Variants in IL1R1 observed in about 807,000 individuals in gnomAD.
IL1R1 encodes interleukin 1 receptor type 1.
Under a neutral mutation model 50.2 loss-of-function variants are expected in IL1R1, and 22 were observed. The ratio of observed to expected loss-of-function variants is 0.44; its 90% CI spans 0.31 to 0.63. The LOEUF (loss-of-function observed/expected upper bound fraction) is 0.63. Among genes scored for constraint, IL1R1 ranks in the 20% least tolerant of loss-of-function variants. The probability of loss-of-function intolerance (pLI) is 0.07; values close to 1 mark genes in which losing one functional copy is unlikely to be tolerated. For synonymous variants in IL1R1, 251 were observed against 236.7 expected, an observed-to-expected ratio of 1.06 and a Z score of -0.55; for missense variants, 509 against 676.2, an observed-to-expected ratio of 0.75 and a Z score of 2.74.
At chr2:102,075,810 G>A (rs570375685) in intron 1 of IL1R1, among the ~76,000 whole-genome samples, 1 of 152,192 alleles carries the variant, frequency 6.6e-6, no homozygotes, top group Non-Finnish European at 1.5e-5. Context: ...GCTATGAGGA[G>A]CCATTTAAAT....
intron 10 of IL1R1, among the ~76,000 whole-genome samples, chr2:102,175,093 T>TC (rs1686005283): frequency 6.7e-6 from 1 of 149,086 alleles, no homozygotes; most frequent in African/African-American, 2.5e-5. Flanking sequence ...ATCAGGGAGG[T>TC]TCTCTCTCTC....
intron 1 of IL1R1, among the ~76,000 whole-genome samples, chr2:102,131,958 G>A (rs976246988): frequency 5.3e-5 from 8 of 151,872 alleles, no homozygotes; most frequent in African/African-American, 1.2e-4. Context: ...GAAAAAATAC[G>A]CCTACCAAGA....
intron 1 of IL1R1, among the ~76,000 whole-genome samples, chr2:102,106,702 A>G (rs1438485918): frequency 6.6e-6 from 1 of 152,242 alleles, no homozygotes; most frequent in East Asian, 1.9e-4. Context: ...GTCTCTGAGT[A>G]CATTTACATT....
chr2:102,139,369 C>T (rs531249708), upstream of IL1R1, among the ~76,000 whole-genome samples: 5 of 152,344 alleles, frequency 3.3e-5, no homozygotes, highest in Non-Finnish European at 5.9e-5. Flanking sequence ...TGCTGTTTGG[C>T]TCAGGCCATG....
rs1481289900 is a variant in IL1R1 at position 102,176,744 on chromosome 2, C to T, written c.1695C>T (p.His565=). 1.3e-5 allele frequency: 21 copies of T among 1,613,654 alleles called. No individual in the cohort carries two copies. The highest frequency in any genetic ancestry group is 1.6e-4 in the Middle Eastern group (1 of 6,078). Residue 565 remains histidine (H), a synonymous_variant, in exon 12 of 12, where the codon CAC becomes CAT. Coordinates refer to ENST00000410023, the MANE Select transcript of IL1R1 (RefSeq NM_000877.4). ...AGGAGAAACTGCAAAGAGAGGCTCA[C>T]GTGCCTCTCGGGTAGCATGGAGAAG... ...ATKEKLQREA[H]VPLG is the part of the protein sequence containing the mutation.
upstream of IL1R1, among the ~76,000 whole-genome samples, chr2:102,103,232 A>C (rs1306723822): frequency 6.6e-6 from 1 of 152,178 alleles, no homozygotes; most frequent in Non-Finnish European, 1.5e-5. Context: ...CACTTCTGCT[A>C]TCTCCGTTAT....
chr2:102,108,348 T>C (rs1680542378), intron 1 of IL1R1, among the ~76,000 whole-genome samples: 1 of 152,098 alleles, frequency 6.6e-6, no homozygotes, highest in Non-Finnish European at 1.5e-5. Flanking sequence ...TTAAAAAGAT[T>C]TCCATTTTGT....
At chr2:102,095,716 A>T (rs1679870106) in intron 1 of IL1R1, among the ~76,000 whole-genome samples, 2 of 152,180 alleles carry the variant, frequency 1.3e-5, no homozygotes, top group African/African-American at 2.4e-5. Flanking sequence ...TCATTTAAAG[A>T]TTTTTAGGCC....
chr2:102,151,525 C>T (rs1427368880), intron 1 of IL1R1, among the ~76,000 whole-genome samples: 1 of 152,128 alleles, frequency 6.6e-6, no homozygotes, highest in East Asian at 1.9e-4. Context: ...GTAGGATGGG[C>T]CTCCTCATGG....
intron 1 of IL1R1, among the ~76,000 whole-genome samples, chr2:102,088,773 T>TA (rs1679537673): frequency 6.6e-6 from 1 of 152,240 alleles, no homozygotes. Flanking sequence ...TCAATGATCT[T>TA]ACCTAGATAT....
intron 1 of IL1R1, among the ~76,000 whole-genome samples, chr2:102,132,800 A>G (rs1053581273): frequency 6.6e-6 from 1 of 152,200 alleles, no homozygotes; most frequent in African/African-American, 2.4e-5. Context: ...AAAGAATAAT[A>G]AGGGAATACT....
intron 1 of IL1R1, among the ~76,000 whole-genome samples, chr2:102,117,470 G>A (rs184283674): frequency 9.2e-5 from 14 of 152,330 alleles, no homozygotes; most frequent in Admixed American, 7.8e-4. Flanking sequence ...TAAAATGGAT[G>A]CAAATATTAT....
At chr2:102,075,450 C>G (rs1442476062) in intron 1 of IL1R1, among the ~76,000 whole-genome samples, 1 of 151,518 alleles carries the variant, frequency 6.6e-6, no homozygotes, top group Non-Finnish European at 1.5e-5. Flanking sequence ...TAAAAGAACA[C>G]AGTTAAAAGA....
chr2:102,130,967 A>G (rs1449179225), intron 1 of IL1R1, among the ~76,000 whole-genome samples: 1 of 151,886 alleles, frequency 6.6e-6, no homozygotes, highest in Non-Finnish European at 1.5e-5. Flanking sequence ...CTGCTTACTG[A>G]TGTGAGAGTT....
chr2:102,153,170 C>G (rs953873505), intron 1 of IL1R1, among the ~76,000 whole-genome samples: 6 of 152,014 alleles, frequency 3.9e-5, no homozygotes, highest in African/African-American at 1.4e-4. Context: ...AGTGAGGATA[C>G]CTGCTTCTTA....
At chr2:102,108,779 C>T (rs551101235) in intron 1 of IL1R1, among the ~76,000 whole-genome samples, 6 of 151,968 alleles carry the variant, frequency 3.9e-5, no homozygotes, top group African/African-American at 1.4e-4. Flanking sequence ...AAGGATAGGA[C>T]CAGGAAAATG....
intron 2 of IL1R1, among the ~76,000 whole-genome samples, chr2:102,155,045 C>G (rs1426001312): frequency 2.0e-5 from 3 of 152,222 alleles, no homozygotes; most frequent in Admixed American, 2.0e-4. Context: ...GAGCCAGGCC[C>G]TGGGAACCTT....
chr2:102,165,375 T>A, intron 5 of IL1R1, 71 bp downstream of exon 5: 1 of 755,520 alleles, frequency 1.3e-6, no homozygotes. Flanking sequence ...ATAGAATGTA[T>A]CTGCAAAGTA....
At chr2:102,086,393 AACAATTTGCTTATG>A (rs1312064021) in intron 1 of IL1R1, among the ~76,000 whole-genome samples, 1 of 151,936 alleles carries the variant, frequency 6.6e-6, no homozygotes, top group Non-Finnish European at 1.5e-5. Flanking sequence ...ATTGGCTTTT[AACAATTTGCTTATG>A]ATGTGCTTTC....
Sources: gnomAD v4.1 joint callset for allele counts (sites outside exome capture counted in the v4.1 genomes callset) on GRCh38, gnomAD v4.1.1 for gene constraint, MANE v1.5 for transcripts, NCBI Gene and HGNC (gene_info 2026-07-23, HGNC 2026-07-21) for gene names.